Variants in RAB27A observed in about 807,000 individuals in gnomAD.
The protein encoded by RAB27A is ras-related protein Rab-27A.
RAB27A carries 17 observed loss-of-function variants against 20.8 expected under a neutral mutation model. The ratio of observed to expected loss-of-function variants is 0.82; its 90% CI spans 0.56 to 1.23. RAB27A has a LOEUF of 1.23. Among genes scored for constraint, RAB27A ranks in the 50% most tolerant of loss-of-function variants. The pLI, the probability that RAB27A is intolerant of heterozygous loss-of-function variation, is 0.00. For synonymous variants in RAB27A, 85 were observed against 92.8 expected (o/e 0.92, Z 0.48); for missense variants, 277 against 266.7 (o/e 1.04, Z -0.27).
At chr15:55,309,627 A>C (rs1203321378) in intron 2 of RAB27A, among the ~76,000 whole-genome samples, 1 of 152,184 alleles carries the variant, frequency 6.6e-6, no homozygotes, top group East Asian at 1.9e-4. Context: ...AAGAATTGAG[A>C]GTCAGGATGT....
chr15:55,313,223 C>T (rs933194891), intron 2 of RAB27A, among the ~76,000 whole-genome samples: 5 of 152,202 alleles, frequency 3.3e-5, no homozygotes, highest in Non-Finnish European at 5.9e-5. Context: ...TAAGACCAGA[C>T]TAGGCCACAG....
intron 2 of RAB27A, among the ~76,000 whole-genome samples, chr15:55,304,706 A>T (rs1305527235): frequency 1.3e-5 from 2 of 152,198 alleles, no homozygotes; most frequent in African/African-American, 4.8e-5. Context: ...TTGGCTGAAT[A>T]ATATTCCATT....
chr15:55,207,363 G>A (rs1382106146), intron 6 of RAB27A, among the ~76,000 whole-genome samples: 1 of 152,178 alleles, frequency 6.6e-6, no homozygotes, highest in Non-Finnish European at 1.5e-5. Flanking sequence ...TGAGACATCA[G>A]CAATCCCTCA....
At chr15:55,267,277 G>T (rs529763741) in intron 2 of RAB27A, among the ~76,000 whole-genome samples, 2 of 152,350 alleles carry the variant, frequency 1.3e-5, no homozygotes, top group South Asian at 4.1e-4. Context: ...AGGCCTGATA[G>T]GGTATGAAAC....
At chr15:55,297,375 G>A (rs1595754073) in intron 2 of RAB27A, among the ~76,000 whole-genome samples, 2 of 152,396 alleles carry the variant, frequency 1.3e-5, no homozygotes, top group East Asian at 3.9e-4. Context: ...GCTTTTAGCT[G>A]TAGACATGCA....
intron 2 of RAB27A, among the ~76,000 whole-genome samples, chr15:55,259,329 T>C (rs1431213094): frequency 6.6e-6 from 1 of 151,746 alleles, no homozygotes; most frequent in East Asian, 1.9e-4. Flanking sequence ...AGACACGGTC[T>C]CACTCCAGTG....
chr15:55,310,541 T>C (rs2055015824), intron 2 of RAB27A, among the ~76,000 whole-genome samples: 1 of 152,210 alleles, frequency 6.6e-6, no homozygotes, highest in Non-Finnish European at 1.5e-5. Context: ...AAAGTGTCCT[T>C]GTAGACCGCA....
chr15:55,211,707 C>T (rs1895033691), intron 6 of RAB27A, among the ~76,000 whole-genome samples: 1 of 151,980 alleles, frequency 6.6e-6, no homozygotes, highest in Non-Finnish European at 1.5e-5. Flanking sequence ...GCAAGAAGGC[C>T]CAGAAAAGTT....
chr15:55,216,473 A>C (rs1895310350), intron 6 of RAB27A, among the ~76,000 whole-genome samples: 1 of 152,126 alleles, frequency 6.6e-6, no homozygotes, highest in Non-Finnish European at 1.5e-5. Flanking sequence ...CAGAGGTTGC[A>C]GTGAGCCGAG....
Position 55,224,081 on chromosome 15 carries a change from T to G in RAB27A, c.344-69A>C, listed in dbSNP as rs1002944493. ...AAGTGTATGATCAGTGAACAATACA[T>G]GCAAAAGTGCTTTGAAGACTATAAT... On this transcript the variant is annotated intron_variant, in intron 5 of 6. Transcript: ENST00000336787. 6.3e-6 allele frequency: 8 copies of G among 1,260,880 alleles called. No homozygotes were observed. The African/African-American group carries it at 1.2e-4, about 19-fold the overall frequency. The allele number at this position is 1,260,880 out of a possible 1,614,324, so 78.1% of individuals were successfully genotyped here. A position where few individuals can be genotyped will look rare whatever the true frequency, so the allele number is the denominator to read the frequency against.
intron 6 of RAB27A, among the ~76,000 whole-genome samples, chr15:55,217,048 A>G (rs1274255245): frequency 6.6e-6 from 1 of 152,064 alleles, no homozygotes; most frequent in Non-Finnish European, 1.5e-5. Flanking sequence ...GACACACAAT[A>G]TTAACAAGAC....
At chr15:55,219,264 A>G (rs1895454544) in intron 6 of RAB27A, among the ~76,000 whole-genome samples, 2 of 152,156 alleles carry the variant, frequency 1.3e-5, no homozygotes, top group African/African-American at 4.8e-5. Flanking sequence ...TGATGTAATT[A>G]ACTGGGTGAG....
chr15:55,220,893 C>T (rs1341357066), intron 6 of RAB27A, among the ~76,000 whole-genome samples: 3 of 152,188 alleles, frequency 2.0e-5, no homozygotes, highest in African/African-American at 4.8e-5. Context: ...ACATGGTATG[C>T]TTTCTGTATC....
chr15:55,228,748 C>A, intron 4 of RAB27A, 36 bp from the exon 5 acceptor site: 1 of 1,410,422 alleles, frequency 7.1e-7, no homozygotes, highest in Non-Finnish European at 1.0e-6. Context: ...AGTTAAACCA[C>A]GGCCCCACTC....
chr15:55,240,426 C>G (rs1595705977), intron 2 of RAB27A, among the ~76,000 whole-genome samples: 1 of 152,164 alleles, frequency 6.6e-6, no homozygotes, highest in East Asian at 1.9e-4. Context: ...ACATGTCAAG[C>G]ACTTTACACA....
At chr15:55,300,155 A>G (rs548162545) in intron 2 of RAB27A, among the ~76,000 whole-genome samples, 39 of 152,150 alleles carry the variant, frequency 2.6e-4, no homozygotes, top group Non-Finnish European at 5.0e-4. Context: ...TGTGATTATG[A>G]AAGAAAGTAT....
At position 55,247,394 on chromosome 15, in the gene RAB27A, A is replaced by T. The variant is rs1595713056; in HGVS notation, c.-22-12438T>A. 2.6e-5 allele frequency among the ~76,000 whole-genome samples: 4 copies of T among 152,276 alleles called. No homozygotes were observed. The South Asian group carries it at 8.3e-4, about 32-fold the overall frequency. ...ATAGCACTCAAAAGAAAAAAAAAAA[A>T]TCAGATAGCACTCAAAGGACTTCAC... is the stretch of plus-strand genomic sequence containing the variant. On this transcript the variant is annotated intron_variant, in intron 2 of 6. Coordinates refer to ENST00000336787, the MANE Select transcript of RAB27A (RefSeq NM_183235.3).
chr15:55,259,882 C>T (rs1897212526), intron 2 of RAB27A: 1 of 152,156 alleles, frequency 6.6e-6, no homozygotes, highest in Non-Finnish European at 1.5e-5. Flanking sequence ...CACTATGACC[C>T]TAAAATATAA....
upstream of RAB27A, chr15:55,289,851 G>A (rs1032549471): frequency 1.3e-5 from 2 of 152,146 alleles, no homozygotes; most frequent in Non-Finnish European, 2.9e-5. Context: ...GGAGAGCGAG[G>A]TGGGGCGGGA....
Sources: gnomAD v4.1 joint callset for allele counts (sites outside exome capture counted in the v4.1 genomes callset) on GRCh38, gnomAD v4.1.1 for gene constraint, MANE v1.5 for transcripts, NCBI Gene and HGNC (gene_info 2026-07-23, HGNC 2026-07-21) for gene names.